NEXMIF: variants seen among roughly 807,000 people sequenced by gnomAD.
NEXMIF encodes the protein neurite extension and migration factor, also known as XLMR protein related to neurite extension.
Under a neutral mutation model 62.1 loss-of-function variants are expected in NEXMIF, and 8 were observed. The ratio of observed to expected loss-of-function variants is 0.13; its 90% CI spans 0.08 to 0.23. NEXMIF has a LOEUF of 0.23. NEXMIF is among the 10% of genes least tolerant of loss of function. NEXMIF has a pLI of 1.00. For missense variants in NEXMIF, 976 were observed against 1,113.3 expected (o/e 0.88, Z 1.75); for synonymous variants, 404 against 416.6 (o/e 0.97, Z 0.37).
rs770781682 is a variant in NEXMIF at position 74,740,111 on chromosome X, A to C, written c.4446T>G (p.Phe1482Leu). The C allele has an allele frequency of 9.9e-6, 12 of 1,209,413 alleles. No individual in the cohort carries two copies. In the East Asian group the frequency reaches 3.3e-4, roughly 33 times the overall value. ...TGGTGCAGTATTACCTCAGTTTTTC[A>C]AAAGAAGCTGTCCCAGACTCATCCT... Reference protein sequence around the residue: ...VHKDESGTASFEKLRDSDYNL... With the variant: ...VHKDESGTASLEKLRDSDYNL... The change falls in exon 3 of 4, where the codon TTT becomes TTG. Residue 1482 changes from phenylalanine (F) to leucine (L), a missense_variant. By Grantham distance (22) the Phe-to-Leu change is conservative (BLOSUM62 0). Coordinates refer to ENST00000055682, the MANE Select transcript of NEXMIF (RefSeq NM_001008537.3).
intron 1 of NEXMIF, among the ~76,000 whole-genome samples, chrX:74,766,935 G>T (rs759101139): frequency 8.9e-6 from 1 of 111,886 alleles, no homozygotes; most frequent in Non-Finnish European, 1.9e-5. Context: ...GTCCTAGGTC[G>T]AGTGGCCCTG....
intron 1 of NEXMIF, among the ~76,000 whole-genome samples, chrX:74,856,091 G>A (rs1003782835): frequency 1.8e-5 from 2 of 112,015 alleles, no homozygotes; most frequent in Non-Finnish European, 3.8e-5. Context: ...TGTTCCTGAG[G>A]AAGCCCAAAT....
At chrX:74,821,997 C>T (rs961890695) in intron 1 of NEXMIF, among the ~76,000 whole-genome samples, 13 of 111,788 alleles carry the variant, frequency 1.2e-4, no homozygotes, top group Non-Finnish European at 2.1e-4. Context: ...GAGATCCTTC[C>T]GCCTCGGCCT....
intron 1 of NEXMIF, among the ~76,000 whole-genome samples, chrX:74,787,602 C>A (rs1017902291): frequency 8.9e-6 from 1 of 111,912 alleles, no homozygotes. Flanking sequence ...TACAGGCCCA[C>A]ACATACACAT....
chrX:74,860,558 C>A (rs1351322427), intron 1 of NEXMIF, among the ~76,000 whole-genome samples: 1 of 111,910 alleles, frequency 8.9e-6, no homozygotes, highest in East Asian at 2.8e-4. Context: ...CAAGCATCTT[C>A]TCCACCACAA....
At chrX:74,846,451 C>T (rs1192431820) in intron 1 of NEXMIF, among the ~76,000 whole-genome samples, 2 of 111,733 alleles carry the variant, frequency 1.8e-5, no homozygotes, top group African/African-American at 6.5e-5. Flanking sequence ...AACTAGCTCT[C>T]AATACCACTT....
At chrX:74,789,049 C>T (rs924528312) in intron 1 of NEXMIF, among the ~76,000 whole-genome samples, 1 of 108,684 alleles carries the variant, frequency 9.2e-6, no homozygotes, top group Non-Finnish European at 1.9e-5. Context: ...CATATGTATA[C>T]ATATGCCATG....
intron 1 of NEXMIF, among the ~76,000 whole-genome samples, chrX:74,869,585 C>CA (rs1030184513): frequency 9.0e-6 from 1 of 111,564 alleles, no homozygotes; most frequent in Non-Finnish European, 1.9e-5. Flanking sequence ...AATGACTCCA[C>CA]AAAAAACAAT....
chrX:74,843,413 CTTTTT>C (rs376924450), intron 1 of NEXMIF, among the ~76,000 whole-genome samples: 1 of 101,133 alleles, frequency 9.9e-6, no homozygotes, highest in East Asian at 3.1e-4. Context: ...TTGGGTCTTG[CTTTTT>C]TTTTTTGTTT....
chrX:74,878,062 G>T (rs922804025), intron 1 of NEXMIF, among the ~76,000 whole-genome samples: 2 of 111,517 alleles, frequency 1.8e-5, no homozygotes, highest in Admixed American at 9.5e-5. Flanking sequence ...GAGGAGAGTC[G>T]CTCTGCTTTT....
At chrX:74,866,154 C>T (rs940537844) in intron 1 of NEXMIF, among the ~76,000 whole-genome samples, 8 of 111,894 alleles carry the variant, frequency 7.1e-5, no homozygotes, top group Non-Finnish European at 1.1e-4. Flanking sequence ...TATATGCTTC[C>T]AAGCCACAGG....
At chrX:74,777,422 T>G (rs2080231866) in intron 1 of NEXMIF, among the ~76,000 whole-genome samples, 1 of 111,861 alleles carries the variant, frequency 8.9e-6, no homozygotes, top group Non-Finnish European at 1.9e-5. Context: ...CCTCCAACAT[T>G]CATCTTTTCT....
chrX:74,869,129 TA>T (rs2080591061), intron 1 of NEXMIF, among the ~76,000 whole-genome samples: 2 of 111,781 alleles, frequency 1.8e-5, no homozygotes, highest in Non-Finnish European at 3.8e-5. Context: ...TCATTTATTA[TA>T]ACTGAGATTT....
intron 1 of NEXMIF, among the ~76,000 whole-genome samples, chrX:74,843,526 T>A (rs2080481018): frequency 1.8e-5 from 2 of 110,603 alleles, no homozygotes; most frequent in Admixed American, 1.9e-4. Context: ...ATCATCCTCC[T>A]GCCTCAGCCT....
intron 1 of NEXMIF, among the ~76,000 whole-genome samples, chrX:74,900,586 C>T (rs2080746656): frequency 9.0e-6 from 1 of 111,232 alleles, no homozygotes; most frequent in Non-Finnish European, 1.9e-5. Flanking sequence ...ATGGTGTAAC[C>T]ACAATGGAAA....
At chrX:74,778,651 T>C (rs2080236029) in intron 1 of NEXMIF, among the ~76,000 whole-genome samples, 1 of 112,118 alleles carries the variant, frequency 8.9e-6, no homozygotes, top group South Asian at 3.7e-4. Context: ...AGCTTTACCA[T>C]CATTATAGGC....
At chrX:74,817,484 G>A (rs927637825) in intron 1 of NEXMIF, among the ~76,000 whole-genome samples, 58 of 111,813 alleles carry the variant, frequency 5.2e-4, no homozygotes, top group Middle Eastern at 9.2e-3. Flanking sequence ...AAAGGGTCAG[G>A]AAGACCTTAA....
intron 1 of NEXMIF, among the ~76,000 whole-genome samples, chrX:74,790,985 T>C (rs920679450): frequency 9.0e-6 from 1 of 110,898 alleles, no homozygotes; most frequent in Non-Finnish European, 1.9e-5. Flanking sequence ...TCCTGCCTAA[T>C]TGCCCTGGCC....
chrX:74,899,028 A>G (rs145135001), intron 1 of NEXMIF, among the ~76,000 whole-genome samples: 1,667 of 111,748 alleles, frequency 0.015, 30 homozygotes, highest in African/African-American at 0.051. Flanking sequence ...GGAAGACTTA[A>G]TGTTAAGATG....
Sources: allele counts gnomAD v4.1 joint callset (sites outside exome capture counted in the v4.1 genomes callset), GRCh38; gene constraint gnomAD v4.1.1; transcripts MANE v1.5; gene names NCBI Gene and HGNC (gene_info 2026-07-23, HGNC 2026-07-21).